The following CREM variants were observed in gnomAD, a reference collection of about 807,000 sequenced individuals.
CREM encodes the protein cAMP-responsive element modulator.
In CREM, 13 loss-of-function variants were observed where a neutral mutation model predicts 37.3. The observed-to-expected ratio is 0.35, with a 90% CI of 0.23 to 0.55. The LOEUF (loss-of-function observed/expected upper bound fraction) is 0.55. Ranked by LOEUF, CREM falls within the 20% of genes least tolerant of loss-of-function variation. The pLI, the probability that CREM is intolerant of heterozygous loss-of-function variation, is 0.88. For synonymous variants in CREM, 124 were observed against 120.2 expected (o/e 1.03, Z -0.21); for missense variants, 296 against 362.3 (o/e 0.82, Z 1.49).
intron 2 of CREM, among the ~76,000 whole-genome samples, chr10:35,138,447 G>A (rs2090932808): frequency 6.6e-6 from 1 of 151,632 alleles, no homozygotes; most frequent in African/African-American, 2.4e-5. Context: ...TAGAAGAGAT[G>A]AAAAATTTTT....
intron 3 of CREM, among the ~76,000 whole-genome samples, chr10:35,158,798 G>GTGTTTTTTTTTTTTTTTTTT (rs2093078412): frequency 9.9e-6 from 1 of 100,840 alleles, no homozygotes; most frequent in African/African-American, 3.5e-5. Flanking sequence ...CAAATATAGT[G>GTGTTTTTTTTTTTTTTTTTT]TTTTTTTTTT....
chr10:35,139,933 T>C (rs1352256689), intron 2 of CREM, among the ~76,000 whole-genome samples: 1 of 152,170 alleles, frequency 6.6e-6, no homozygotes, highest in African/African-American at 2.4e-5. Flanking sequence ...AAATGCCTGG[T>C]ACAGTGCTTG....
intron 6 of CREM, among the ~76,000 whole-genome samples, chr10:35,202,943 T>G (rs1241381154): frequency 1.3e-5 from 2 of 152,270 alleles, no homozygotes; most frequent in African/African-American, 2.4e-5. Context: ...TCTTTCATGG[T>G]GCCAAATTTG....
At chr10:35,187,271 G>GT (rs113824814) in intron 5 of CREM, among the ~76,000 whole-genome samples, 143 of 113,766 alleles carry the variant, frequency 1.3e-3, no homozygotes, top group South Asian at 2.2e-3. Flanking sequence ...ATGTATGTTG[G>GT]TTTTTTTTTT....
chr10:35,165,384 C>T (rs112822554), intron 3 of CREM, among the ~76,000 whole-genome samples: 1 of 152,106 alleles, frequency 6.6e-6, no homozygotes, highest in Admixed American at 6.6e-5. Context: ...AAGGCCCCAC[C>T]TCCAACATTG....
intron 2 of CREM, among the ~76,000 whole-genome samples, chr10:35,147,043 T>TG (rs2092197033): frequency 1.5e-5 from 1 of 66,416 alleles, no homozygotes; most frequent in East Asian, 4.6e-4. Context: ...TTTTTTGGGT[T>TG]TTTTTTTTTT....
intron 6 of CREM, among the ~76,000 whole-genome samples, chr10:35,199,581 C>T (rs1161393618): frequency 6.6e-6 from 1 of 152,142 alleles, no homozygotes; most frequent in Non-Finnish European, 1.5e-5. Context: ...ATCAGGTAGG[C>T]CTCACTAGGA....
chr10:35,206,792 C>T, intron 6 of CREM, 103 bp from the exon 7 acceptor site: 2 of 1,053,246 alleles, frequency 1.9e-6, no homozygotes, highest in Non-Finnish European at 1.5e-6. Flanking sequence ...ACAAGATCAC[C>T]TCTTATGAGA....
chr10:35,136,184 G>A (rs2090482686), intron 1 of CREM, among the ~76,000 whole-genome samples: 1 of 148,686 alleles, frequency 6.7e-6, no homozygotes, highest in African/African-American at 2.4e-5. Context: ...CCACAAGAAT[G>A]TATTACTTAT....
intron 3 of CREM, among the ~76,000 whole-genome samples, chr10:35,159,758 C>T (rs1426609616): frequency 1.3e-5 from 2 of 152,190 alleles, no homozygotes; most frequent in Non-Finnish European, 2.9e-5. Context: ...GCAAAGGAAA[C>T]ATTCCACAGG....
chr10:35,171,562 C>T (rs2093823211), intron 3 of CREM, among the ~76,000 whole-genome samples: 1 of 152,118 alleles, frequency 6.6e-6, no homozygotes. Flanking sequence ...ATCAGATGCC[C>T]ATGAATCTTT....
chr10:35,152,817 A>C (rs1274984976), intron 3 of CREM, among the ~76,000 whole-genome samples: 1 of 152,190 alleles, frequency 6.6e-6, no homozygotes, highest in Non-Finnish European at 1.5e-5. Flanking sequence ...AGTGACACTT[A>C]CATCCTCCGG....
chr10:35,167,848 G>T, intron 3 of CREM: 5 of 1,516,210 alleles, frequency 3.3e-6, no homozygotes, highest in Non-Finnish European at 4.5e-6. Flanking sequence ...TTAAAGCCTT[G>T]TGAAAAGAGG....
intron 1 of CREM, among the ~76,000 whole-genome samples, chr10:35,136,702 A>G (rs2090573550): frequency 2.0e-5 from 3 of 151,976 alleles, no homozygotes; most frequent in Non-Finnish European, 2.9e-5. Context: ...CTGTCTAAGC[A>G]CTGCTGTTGC....
At chr10:35,175,481 A>G (rs2094012273) in intron 3 of CREM, 2 of 572,226 alleles carry the variant, frequency 3.5e-6, no homozygotes, top group South Asian at 2.2e-5. Flanking sequence ...TCTATCTCCA[A>G]TTTCTCTGAA....
chr10:35,206,847 A>T, intron 6 of CREM, 48 bp from the exon 7 acceptor site: 2 of 1,595,504 alleles, frequency 1.3e-6, no homozygotes, highest in Non-Finnish European at 1.7e-6. Context: ...GTAAAATGCC[A>T]AATTATGAAT....
At chr10:35,176,406 CTTCT>C in intron 3 of CREM, among the ~76,000 whole-genome samples, 1 of 144,712 alleles carries the variant, frequency 6.9e-6, no homozygotes, top group East Asian at 2.0e-4. Context: ...CTTTTTTTTT[CTTCT>C]TTTTTTTTTT....
chr10:35,191,673 T>C (rs2094925339), intron 6 of CREM, among the ~76,000 whole-genome samples: 1 of 152,186 alleles, frequency 6.6e-6, no homozygotes, highest in South Asian at 2.1e-4. Context: ...GACTGTGTCC[T>C]CCTTGCTCTT....
intron 6 of CREM, among the ~76,000 whole-genome samples, chr10:35,195,551 C>T (rs2095120488): frequency 6.6e-6 from 1 of 151,888 alleles, no homozygotes; most frequent in Non-Finnish European, 1.5e-5. Flanking sequence ...ACCATTCTGC[C>T]CTACTAAAAT....
Sources: gnomAD v4.1 joint callset for allele counts (sites outside exome capture counted in the v4.1 genomes callset) on GRCh38, gnomAD v4.1.1 for gene constraint, MANE v1.5 for transcripts, NCBI Gene and HGNC (gene_info 2026-07-23, HGNC 2026-07-21) for gene names.